HDX: variants seen among roughly 807,000 people sequenced by gnomAD.
HDX encodes the protein chromosome X open reading frame 43.
HDX carries 19 observed loss-of-function variants against 45.2 expected under a neutral mutation model. That is an observed-to-expected ratio of 0.42 (90% CI 0.29 to 0.62). The LOEUF (loss-of-function observed/expected upper bound fraction) is 0.62. HDX is among the 20% of genes least tolerant of loss of function. HDX has a pLI of 0.20. For synonymous variants in HDX, 188 were observed against 172.8 expected, an observed-to-expected ratio of 1.09 and a Z score of -0.69; for missense variants, 532 against 493.9, an observed-to-expected ratio of 1.08 and a Z score of -0.73.
Position 84,319,790 on chromosome X carries a change from A to G in HDX, c.*2099T>C, listed in dbSNP as rs2036564268. The G allele has an allele frequency of 9.0e-6, 1 of 111,400 alleles. No individual in the cohort carries two copies. Among genetic ancestry groups the G allele is most frequent in the Admixed American group, 9.5e-5 (1 of 10,484 alleles). The allele number at this position is 111,400 out of a possible 1,213,427, so 9.2% of individuals were successfully genotyped here. On this transcript the variant is annotated 3_prime_UTR_variant, in exon 11 of 11. Transcript: ENST00000373177. ...ATATCATAGAAGATGTTAAAAAGAA[A>G]TAATTATTTGTGATGTTTACAGCTT...
chrX:84,404,395 CTT>C (rs2038770435), intron 5 of HDX, among the ~76,000 whole-genome samples: 1 of 111,536 alleles, frequency 9.0e-6, no homozygotes, highest in Non-Finnish European at 1.9e-5. Context: ...ATTCGACAAA[CTT>C]AGAAATAACC....
intron 4 of HDX, among the ~76,000 whole-genome samples, chrX:84,450,892 G>A (rs1301852593): frequency 9.0e-6 from 1 of 111,461 alleles, no homozygotes; most frequent in Non-Finnish European, 1.9e-5. Flanking sequence ...GTAACAGGAG[G>A]AACTTTGGAA....
chrX:84,470,557 A>G (rs1419530901), intron 3 of HDX, among the ~76,000 whole-genome samples: 3 of 111,506 alleles, frequency 2.7e-5, no homozygotes, highest in East Asian at 2.8e-4. Context: ...TCACTAATCT[A>G]TGGTAGTTAT....
intron 5 of HDX, among the ~76,000 whole-genome samples, chrX:84,419,118 T>C (rs140301368): frequency 0.11 from 11,759 of 111,183 alleles, 607 homozygotes; most frequent in South Asian, 0.27. Flanking sequence ...CCTTGGGCCC[T>C]GAATAACAAG....
intron 5 of HDX, among the ~76,000 whole-genome samples, chrX:84,422,663 G>T (rs868312427): frequency 7.7e-5 from 5 of 64,935 alleles, no homozygotes; most frequent in Admixed American, 6.5e-4. Flanking sequence ...GAAATAAAAG[G>T]TTTTTTTTTT....
At chrX:84,354,280 C>T (rs1479541491) in intron 6 of HDX, among the ~76,000 whole-genome samples, 1 of 111,658 alleles carries the variant, frequency 9.0e-6, no homozygotes, top group Non-Finnish European at 1.9e-5. Flanking sequence ...AATGAGTACT[C>T]TAAAGCCCTG....
chrX:84,374,249 G>T (rs902054314), intron 5 of HDX, among the ~76,000 whole-genome samples: 5 of 110,685 alleles, frequency 4.5e-5, no homozygotes, highest in Non-Finnish European at 7.6e-5. Flanking sequence ...ATTGCTCAAT[G>T]AAATAAAGGA....
At chrX:84,381,159 C>G in intron 5 of HDX, among the ~76,000 whole-genome samples, 1 of 110,774 alleles carries the variant, frequency 9.0e-6, no homozygotes, top group African/African-American at 3.3e-5. Context: ...TTAAAGATCT[C>G]CATAATGAAA....
At chrX:84,441,035 T>G (rs1415988983) in intron 4 of HDX, among the ~76,000 whole-genome samples, 1 of 111,376 alleles carries the variant, frequency 9.0e-6, no homozygotes, top group East Asian at 2.8e-4. Flanking sequence ...ATATACTACA[T>G]TTATTCTTAT....
chrX:84,366,640 G>T (rs1252697619), intron 5 of HDX, among the ~76,000 whole-genome samples: 3 of 111,092 alleles, frequency 2.7e-5, no homozygotes, highest in Non-Finnish European at 5.7e-5. Context: ...CAGACAAATA[G>T]ACCAATGGAA....
chrX:84,321,961 G>T lies in HDX; in HGVS notation c.2001C>A (p.Ala667=), dbSNP rs1602241828. ...ATGAGGTATCATCAGGCTCCAGTGA[G>T]GCATGATTGAAATCCATTTCCTCTA... is the stretch of plus-strand genomic sequence containing the variant. The part of the protein sequence containing the change: ...PELEEMDFNH[A]SLEPDDTSFS... Residue 667 remains alanine (A), a synonymous_variant, in exon 11 of 11, where the codon GCC becomes GCA. Coordinates refer to ENST00000373177, the MANE Select transcript of HDX (RefSeq NM_001177479.2). 5.1e-6 allele frequency: 6 copies of T among 1,170,414 alleles called. No homozygotes were observed. The highest frequency in any genetic ancestry group is 2.4e-4 in the Middle Eastern group (1 of 4,240).
intron 5 of HDX, among the ~76,000 whole-genome samples, chrX:84,370,401 T>C (rs1276711039): frequency 1.8e-5 from 2 of 111,991 alleles, no homozygotes; most frequent in Non-Finnish European, 3.8e-5. Context: ...ATCTATGAGT[T>C]CTGTTTCTCT....
intron 1 of HDX, among the ~76,000 whole-genome samples, chrX:84,498,979 C>T (rs112575434): frequency 1.8e-5 from 2 of 111,369 alleles, no homozygotes; most frequent in African/African-American, 6.5e-5. Context: ...TGGGTCTTGA[C>T]TGTGACGTAT....
intron 9 of HDX, among the ~76,000 whole-genome samples, chrX:84,330,624 G>C (rs1217324888): frequency 1.8e-5 from 2 of 111,515 alleles, no homozygotes; most frequent in African/African-American, 6.5e-5. Flanking sequence ...TATCATTATA[G>C]TAGTATCTGG....
rs1288631907 is a variant in HDX at position 84,318,374 on chromosome X, G to A, written c.*3515C>T. On this transcript the variant is annotated 3_prime_UTR_variant, in exon 11 of 11. Transcript: ENST00000373177. The stretch of plus-strand genomic sequence containing the variant: ...CCCTTAAAAAGCTAACCTATCACAT[G>A]TTTGCATGTTTAAGATCTGAATGAA... 1.8e-5 allele frequency: 2 copies of A among 110,829 alleles called. No homozygotes were observed. The highest frequency in any genetic ancestry group is 3.8e-5 in the Non-Finnish European group (2 of 52,529). 9.1% of individuals were successfully genotyped at this position (110,829 alleles called of 1,213,427 possible).
chrX:84,390,723 C>T (rs1352343556), intron 5 of HDX, among the ~76,000 whole-genome samples: 1 of 112,144 alleles, frequency 8.9e-6, no homozygotes, highest in African/African-American at 3.2e-5. Flanking sequence ...CAAACTCATG[C>T]CCTTAAATTG....
At chrX:84,362,995 T>C (rs1360137597) in intron 5 of HDX, among the ~76,000 whole-genome samples, 1 of 111,510 alleles carries the variant, frequency 9.0e-6, no homozygotes, top group East Asian at 2.8e-4. Flanking sequence ...TGAAGTTAGA[T>C]TGAATATTTA....
intron 2 of HDX, among the ~76,000 whole-genome samples, chrX:84,477,593 T>G (rs957167539): frequency 6.3e-5 from 7 of 111,544 alleles, no homozygotes; most frequent in African/African-American, 2.0e-4. Context: ...TATAGGAAGT[T>G]AATTCTTTAC....
intron 4 of HDX, among the ~76,000 whole-genome samples, chrX:84,452,945 G>T (rs1393313054): frequency 9.0e-6 from 1 of 111,725 alleles, no homozygotes; most frequent in Admixed American, 9.5e-5. Flanking sequence ...AAAAGAAAAG[G>T]CAACAAAAAC....
Sources: allele counts gnomAD v4.1 joint callset (sites outside exome capture counted in the v4.1 genomes callset), GRCh38; gene constraint gnomAD v4.1.1; transcripts MANE v1.5; gene names NCBI Gene and HGNC (gene_info 2026-07-23, HGNC 2026-07-21).